MAGI2: variants seen among roughly 807,000 people sequenced by gnomAD.
The protein encoded by MAGI2 is membrane associated guanylate kinase, WW and PDZ domain containing 2.
Under a neutral mutation model 133.3 loss-of-function variants are expected in MAGI2, and 35 were observed. That is an observed-to-expected ratio of 0.26 (90% CI 0.20 to 0.35). MAGI2 has a LOEUF of 0.35. Among genes scored for constraint, MAGI2 ranks in the 10% least tolerant of loss-of-function variants. The probability of loss-of-function intolerance (pLI) is 1.00; values close to 1 mark genes in which losing one functional copy is unlikely to be tolerated. For synonymous variants in MAGI2, 729 were observed against 710.6 expected (o/e 1.03, Z -0.41); for missense variants, 1,636 against 1,863.4 (o/e 0.88, Z 2.25).
intron 6 of MAGI2, among the ~76,000 whole-genome samples, chr7:78,400,954 C>T (rs1245443215): frequency 2.0e-5 from 3 of 151,918 alleles, no homozygotes; most frequent in African/African-American, 7.3e-5. Flanking sequence ...TAAACCAGGG[C>T]ATAAGACTAG....
At chr7:78,923,740 G>A (rs1325026974) in intron 2 of MAGI2, among the ~76,000 whole-genome samples, 2 of 152,116 alleles carry the variant, frequency 1.3e-5, no homozygotes, top group African/African-American at 2.4e-5. Flanking sequence ...GAAAGTAATT[G>A]GTAGCTTGAT....
At chr7:78,342,788 A>C (rs1252734338) in intron 9 of MAGI2, among the ~76,000 whole-genome samples, 3 of 152,198 alleles carry the variant, frequency 2.0e-5, no homozygotes, top group African/African-American at 7.2e-5. Flanking sequence ...GGAGGAGAAC[A>C]TCACACACTG....
intron 10 of MAGI2, among the ~76,000 whole-genome samples, chr7:78,241,928 C>T (rs571349562): frequency 8.0e-5 from 12 of 149,236 alleles, no homozygotes; most frequent in South Asian, 2.1e-4. Context: ...AGCGAGAACC[C>T]GTCTCAAAAA....
At chr7:79,209,555 C>A (rs1462138811) in intron 1 of MAGI2, among the ~76,000 whole-genome samples, 2 of 151,954 alleles carry the variant, frequency 1.3e-5, no homozygotes. Context: ...CCACCATATC[C>A]CACAGAGTTC....
intron 1 of MAGI2, among the ~76,000 whole-genome samples, chr7:79,280,111 A>T (rs1265067163): frequency 2.0e-5 from 3 of 152,186 alleles, no homozygotes; most frequent in Non-Finnish European, 4.4e-5. Context: ...ATGATGTAGG[A>T]TGTTCAAAAA....
chr7:78,879,654 A>G (rs917332157), intron 2 of MAGI2, among the ~76,000 whole-genome samples: 1 of 152,178 alleles, frequency 6.6e-6, no homozygotes, highest in African/African-American at 2.4e-5. Flanking sequence ...AGCCAGCACA[A>G]GAATTCTGTT....
At chr7:79,387,705 T>C (rs1231448875) in intron 1 of MAGI2, among the ~76,000 whole-genome samples, 1 of 152,014 alleles carries the variant, frequency 6.6e-6, no homozygotes, top group Non-Finnish European at 1.5e-5. Flanking sequence ...TACTCACCTA[T>C]ATAAGCATTT....
chr7:78,914,261 C>T (rs183434478), intron 2 of MAGI2, among the ~76,000 whole-genome samples: 6 of 152,154 alleles, frequency 3.9e-5, no homozygotes, highest in Non-Finnish European at 8.8e-5. Flanking sequence ...GAACAAACAA[C>T]ATTGTGACCA....
chr7:78,059,636 T>C (rs1404422149), intron 21 of MAGI2, among the ~76,000 whole-genome samples: 1 of 152,170 alleles, frequency 6.6e-6, no homozygotes, highest in African/African-American at 2.4e-5. Flanking sequence ...CCTGTCTGAC[T>C]ATTCTGGTCA....
At position 79,298,083 on chromosome 7, in the gene MAGI2, A is replaced by T. The variant is rs185108459; in HGVS notation, c.301+154937T>A. ...TCAAAATTAAAGTTGAATATAAGTT[A>T]TGGTTTGTTTTTTATATCTAGCACA... On this transcript the variant is annotated intron_variant, in intron 1 of 21. Transcript: ENST00000354212. 7.9e-5 allele frequency among the ~76,000 whole-genome samples: 12 copies of T among 152,278 alleles called. No homozygotes were observed. The East Asian group carries it at 2.3e-3, about 29-fold the overall frequency.
chr7:79,022,024 C>T (rs1809382757), intron 1 of MAGI2, among the ~76,000 whole-genome samples: 1 of 152,128 alleles, frequency 6.6e-6, no homozygotes. Flanking sequence ...CAGTCATTGT[C>T]TATCCTGCTG....
chr7:78,777,586 C>T (rs1188571818), intron 2 of MAGI2, among the ~76,000 whole-genome samples: 1 of 152,136 alleles, frequency 6.6e-6, no homozygotes, highest in African/African-American at 2.4e-5. Flanking sequence ...ATCATCATAG[C>T]CAAAGCTTGT....
intron 1 of MAGI2, among the ~76,000 whole-genome samples, chr7:79,010,257 T>A (rs1807927398): frequency 1.3e-5 from 2 of 152,036 alleles, no homozygotes. Context: ...GTGTGATACA[T>A]GTGTATATGT....
At position 78,671,439 on chromosome 7, in the gene MAGI2, T is replaced by A. The variant is rs550056704; in HGVS notation, c.419-44200A>T. On this transcript the variant is annotated intron_variant, in intron 2 of 21. Transcript: ENST00000354212. ...GTGGTAGAGGAAAGCAGAGATAGCATGTGTGACTGAAATTCATGGACATGC... is the reference window on the plus strand; with the variant it reads ...GTGGTAGAGGAAAGCAGAGATAGCAAGTGTGACTGAAATTCATGGACATGC... 2.0e-5 allele frequency among the ~76,000 whole-genome samples: 3 copies of A among 152,290 alleles called. No individual in the cohort carries two copies. In the South Asian group the frequency reaches 6.2e-4, roughly 32 times the overall value.
At chr7:78,988,427 T>A (rs7799961) in intron 2 of MAGI2, among the ~76,000 whole-genome samples, 2,454 of 152,158 alleles carry the variant, frequency 0.016, 48 homozygotes, top group African/African-American at 0.05. Context: ...CAAAAAAATA[T>A]AGTCACTAAA....
chr7:78,408,188 T>A (rs1308733864), intron 6 of MAGI2, among the ~76,000 whole-genome samples: 1 of 152,056 alleles, frequency 6.6e-6, no homozygotes, highest in Non-Finnish European at 1.5e-5. Flanking sequence ...CATGTACAAA[T>A]TGACACTCTG....
chr7:78,146,860 A>T (rs552916896), intron 16 of MAGI2, among the ~76,000 whole-genome samples: 7 of 152,186 alleles, frequency 4.6e-5, no homozygotes, highest in African/African-American at 7.2e-5. Flanking sequence ...GTGTTTTGTA[A>T]AAAGTCACTT....
chr7:78,198,916 T>G (rs2150751724), intron 11 of MAGI2, among the ~76,000 whole-genome samples: 1 of 152,314 alleles, frequency 6.6e-6, no homozygotes, highest in East Asian at 1.9e-4. Flanking sequence ...TTTTAGCATA[T>G]TACTTGTTCA....
chr7:78,291,715 A>G (rs968916831), intron 9 of MAGI2, among the ~76,000 whole-genome samples: 1 of 152,242 alleles, frequency 6.6e-6, no homozygotes. Context: ...CCAGCAGCAC[A>G]TCAAGAAGCT....
Sources: gnomAD v4.1 joint callset for allele counts (sites outside exome capture counted in the v4.1 genomes callset) on GRCh38, gnomAD v4.1.1 for gene constraint, MANE v1.5 for transcripts, NCBI Gene and HGNC (gene_info 2026-07-23, HGNC 2026-07-21) for gene names.